The following PDE8B variants were observed in gnomAD, a reference collection of about 807,000 sequenced individuals.
PDE8B encodes the protein phosphodiesterase 8B, also known as high affinity cAMP-specific and IBMX-insensitive 3',5'-cyclic phosphodiesterase 8B.
In PDE8B, 26 loss-of-function variants were observed where a neutral mutation model predicts 101.3. That is an observed-to-expected ratio of 0.26 (90% CI 0.19 to 0.36). The LOEUF (loss-of-function observed/expected upper bound fraction) is 0.36. Among genes scored for constraint, PDE8B ranks in the 10% least tolerant of loss-of-function variants. The pLI is 1.00. For synonymous variants in PDE8B, 424 were observed against 429.3 expected (o/e 0.99, Z 0.15); for missense variants, 810 against 1,163.1 (o/e 0.70, Z 4.42).
At chr5:77,392,133 G>A (rs1790074384) in intron 10 of PDE8B, among the ~76,000 whole-genome samples, 1 of 152,152 alleles carries the variant, frequency 6.6e-6, no homozygotes, top group South Asian at 2.1e-4. Context: ...ATAATTATGT[G>A]GAATGGACTG....
intron 1 of PDE8B, among the ~76,000 whole-genome samples, chr5:77,254,623 TCG>T (rs1469224048): frequency 9.9e-5 from 15 of 152,252 alleles, no homozygotes; most frequent in Non-Finnish European, 7.3e-5. Flanking sequence ...CTATCAAGTT[TCG>T]ATTTTGTGAA....
At chr5:77,183,950 G>A in the PDE8B span, among the ~76,000 whole-genome samples, 5 of 151,054 alleles carry the variant, frequency 3.3e-5, no homozygotes, top group African/African-American at 9.8e-5. Context: ...AAAGATCATG[G>A]TTACTATTTA....
At chr5:77,182,841 A>G in the PDE8B span, among the ~76,000 whole-genome samples, 9 of 150,956 alleles carry the variant, frequency 6.0e-5, no homozygotes, top group Non-Finnish European at 1.0e-4. Context: ...TCAATATATT[A>G]TGTATTTGCT....
intron 1 of PDE8B, among the ~76,000 whole-genome samples, chr5:77,301,525 T>G (rs930646861): frequency 1.3e-5 from 2 of 152,354 alleles, no homozygotes; most frequent in Admixed American, 6.5e-5. Context: ...TTTTCCACAG[T>G]CTGGATAATT....
At chr5:77,166,226 TAA>T in the PDE8B span, among the ~76,000 whole-genome samples, 7,250 of 116,360 alleles carry the variant, frequency 0.062, 424 homozygotes, top group East Asian at 0.35. Flanking sequence ...TCGGTAAAGA[TAA>T]AAAAAAAAAA....
intron 20 of PDE8B, among the ~76,000 whole-genome samples, chr5:77,424,566 A>G (rs1263654463): frequency 1.3e-5 from 2 of 152,228 alleles, no homozygotes; most frequent in East Asian, 3.8e-4. Context: ...TTTGACAGTC[A>G]TTCTTTCCAG....
chr5:77,415,483 G>A (rs561757799), intron 17 of PDE8B, among the ~76,000 whole-genome samples: 20 of 149,918 alleles, frequency 1.3e-4, no homozygotes, highest in East Asian at 6.0e-4. Context: ...TCAGCCTCCC[G>A]AGTAGCTGGG....
intron 1 of PDE8B, among the ~76,000 whole-genome samples, chr5:77,278,630 C>T (rs1370965920): frequency 2.0e-5 from 3 of 152,118 alleles, no homozygotes; most frequent in Admixed American, 6.5e-5. Flanking sequence ...CCACCACGCC[C>T]GGCTAATTTT....
At chr5:77,234,329 G>A (rs1488606664) in intron 1 of PDE8B, among the ~76,000 whole-genome samples, 7 of 152,096 alleles carry the variant, frequency 4.6e-5, no homozygotes, top group Non-Finnish European at 7.3e-5. Flanking sequence ...GGCAGCTCTT[G>A]ACTCCATCTA....
chr5:77,394,673 A>G (rs1354850258), intron 10 of PDE8B, among the ~76,000 whole-genome samples: 3 of 152,204 alleles, frequency 2.0e-5, no homozygotes, highest in Non-Finnish European at 4.4e-5. Context: ...TATAATATCC[A>G]TTTTCATAAA....
intron 4 of PDE8B, among the ~76,000 whole-genome samples, chr5:77,330,961 A>G (rs554116083): frequency 1.3e-5 from 2 of 152,280 alleles, no homozygotes; most frequent in South Asian, 4.1e-4. Flanking sequence ...GGGGTCTTGC[A>G]GCCTGGAATG....
chr5:77,109,547 TAACCAATG>T, the PDE8B span, among the ~76,000 whole-genome samples: 4 of 152,226 alleles, frequency 2.6e-5, no homozygotes, highest in Admixed American at 1.3e-4. Flanking sequence ...CAGTGGTGGC[TAACCAATG>T]CTATATCTGC....
the PDE8B span, among the ~76,000 whole-genome samples, chr5:77,091,838 G>A: frequency 6.6e-6 from 1 of 152,076 alleles, no homozygotes; most frequent in African/African-American, 2.4e-5. Flanking sequence ...AACTGACCAC[G>A]TAATGAGATA....
At chr5:77,123,229 G>C in the PDE8B span, among the ~76,000 whole-genome samples, 1 of 152,008 alleles carries the variant, frequency 6.6e-6, no homozygotes, top group African/African-American at 2.4e-5. Flanking sequence ...GTGGTGTAGG[G>C]CATAGAGAAG....
chr5:77,425,015 G>A (rs939929309), intron 20 of PDE8B, among the ~76,000 whole-genome samples: 3 of 152,120 alleles, frequency 2.0e-5, no homozygotes, highest in Admixed American at 6.5e-5. Context: ...GTGCAAACAT[G>A]TGGCAGCAAA....
At chr5:77,143,362 T>C in the PDE8B span, among the ~76,000 whole-genome samples, 1 of 152,190 alleles carries the variant, frequency 6.6e-6, no homozygotes, top group Non-Finnish European at 1.5e-5. Flanking sequence ...TACCAAATAA[T>C]TGATCTACAA....
At position 77,251,040 on chromosome 5, in the gene PDE8B, T is replaced by C. The variant is rs546994357; in HGVS notation, c.339+39776T>C. On this transcript the variant is annotated intron_variant, in intron 1 of 21. Transcript: ENST00000264917. ...GATAGCTAGGGAGGCTGTTTAACAA[T>C]AGTAGCTAGGAGCATAGACTTTGAA... Among the ~76,000 whole-genome samples the C allele has an allele frequency of 3.3e-5, 5 of 152,344 alleles. No individual in the cohort carries two copies. The South Asian group carries it at 1.0e-3, about 32-fold the overall frequency.
At chr5:77,292,438 G>A (rs143180773) in intron 1 of PDE8B, among the ~76,000 whole-genome samples, 61 of 152,280 alleles carry the variant, frequency 4.0e-4, no homozygotes, top group African/African-American at 5.8e-4. Flanking sequence ...TCAGGAAGGC[G>A]TATGTTGTGT....
At chr5:77,186,271 A>G in the PDE8B span, among the ~76,000 whole-genome samples, 1 of 152,218 alleles carries the variant, frequency 6.6e-6, no homozygotes, top group Admixed American at 6.5e-5. Context: ...CAGCCTACGC[A>G]TATTAAAGTC....
Sources: gnomAD v4.1 joint callset for allele counts (sites outside exome capture counted in the v4.1 genomes callset) on GRCh38, gnomAD v4.1.1 for gene constraint, MANE v1.5 for transcripts, NCBI Gene and HGNC (gene_info 2026-07-23, HGNC 2026-07-21) for gene names.